The following PLEKHS1 variants were observed in gnomAD, a reference collection of about 807,000 sequenced individuals.
PLEKHS1 encodes pleckstrin homology domain-containing family S member 1.
A neutral mutation model predicts 51.0 loss-of-function variants in PLEKHS1; 55 were observed. That is an observed-to-expected ratio of 1.08 (90% CI 0.87 to 1.35). PLEKHS1 has a LOEUF of 1.35. PLEKHS1 is among the 40% of genes most tolerant of loss of function. The probability of loss-of-function intolerance (pLI) is 0.00; values close to 1 mark genes in which losing one functional copy is unlikely to be tolerated. For missense variants in PLEKHS1, 398 were observed against 423.0 expected, an observed-to-expected ratio of 0.94 and a Z score of 0.52; for synonymous variants, 153 against 144.8, an observed-to-expected ratio of 1.06 and a Z score of -0.41.
At chr10:113,777,431 T>A (rs772685732) in intron 11 of PLEKHS1, 172 bp downstream of exon 12, 1 of 1,608,120 alleles carries the variant, frequency 6.2e-7, no homozygotes, top group Admixed American at 1.7e-5. Context: ...GATTCTTTCA[T>A]ATCAAGTAGC....
chr10:113,761,526 C>CT (rs138150817), intron 2 of PLEKHS1, among the ~76,000 whole-genome samples: 27,938 of 151,598 alleles, frequency 0.18, 2,684 homozygotes, highest in East Asian at 0.29. Flanking sequence ...GTACTTTTTT[C>CT]TTTTGGATGC....
chr10:113,770,011 G>C, intron 7 of PLEKHS1, 111 bp downstream of exon 7: 1 of 789,936 alleles, frequency 1.3e-6, no homozygotes, highest in Non-Finnish European at 2.2e-6. Context: ...CTCAAAGCCC[G>C]ATGCACTATA....
chr10:113,759,685 T>C (rs539514839), intron 2 of PLEKHS1, among the ~76,000 whole-genome samples: 101 of 152,346 alleles, frequency 6.6e-4, no homozygotes, highest in African/African-American at 2.3e-3. Flanking sequence ...TTCATTCACC[T>C]GTTGAATATC....
At position 113,766,947 on chromosome 10, in the gene PLEKHS1, G is replaced by T. The variant is rs137865387; in HGVS notation, c.224+229G>T. ...TACTTGATAAGTCTTTAATTAACAG[G>T]CATTCAGTTAAGGAGTTTGATTCAC... On this transcript the variant is annotated intron_variant, in intron 4 of 11. Transcript: ENST00000361048. Among the ~76,000 whole-genome samples the T allele has an allele frequency of 4.3e-3, 652 of 152,250 alleles. 5 individuals are homozygous for T. The highest frequency in any genetic ancestry group is 0.015 in the African/African-American group (624 of 41,548).
chr10:113,765,332 A>G (rs1313057197), intron 2 of PLEKHS1: 3 of 779,202 alleles, frequency 3.9e-6, no homozygotes, highest in South Asian at 2.7e-5. Flanking sequence ...GAGGCAAGAC[A>G]TTCCTGAGTA....
chr10:113,757,791 C>A (rs964521984), intron 2 of PLEKHS1, among the ~76,000 whole-genome samples: 3 of 152,174 alleles, frequency 2.0e-5, no homozygotes, highest in African/African-American at 4.8e-5. Context: ...CCTCTCAAAC[C>A]CTGACACTGA....
intron 11 of PLEKHS1, chr10:113,778,129 T>A (rs1844753213): frequency 6.1e-6 from 1 of 162,852 alleles, no homozygotes; most frequent in South Asian, 1.7e-4. Flanking sequence ...CTTTTCTTTC[T>A]AACTAGCCCT....
chr10:113,755,446 C>A, intron 2 of PLEKHS1, 141 bp downstream of exon 2: 1 of 1,396,034 alleles, frequency 7.2e-7, no homozygotes, highest in Non-Finnish European at 9.3e-7. Context: ...CAGTCTTGCT[C>A]TGTTGCGTAG....
rs533035235 is a variant in PLEKHS1, at chr10:113,775,295, T to A, written c.989+260T>A. On this transcript the variant is annotated intron_variant, in intron 10 of 11. Coordinates refer to ENST00000361048, the Ensembl canonical transcript of PLEKHS1. ...ATTCCCCCTTGGCTACTCTTTCAGG[T>A]CCCAGGACTTGGGATCCACACCAAT... 2.1e-3 allele frequency among the ~76,000 whole-genome samples: 324 copies of A among 151,866 alleles called. 1 individual carries two copies. Among genetic ancestry groups the A allele is most frequent in the Middle Eastern group, 3.4e-3 (1 of 294 alleles).
In PLEKHS1 at chr10:113,780,531, G is replaced by A. The variant is rs1272523394; in HGVS notation, c.*-71G>A. 3 of 1,415,086 alleles carry A rather than the reference G, an allele frequency of 2.1e-6. No homozygotes were observed. The African/African-American group carries it at 4.2e-5, about 20-fold the overall frequency. 87.7% of individuals were successfully genotyped at this position (1,415,086 alleles called of 1,614,324 possible). A position where few individuals can be genotyped will look rare whatever the true frequency, so the allele number is the denominator to read the frequency against. On this transcript the variant is annotated intron_variant, in intron 11 of 11. Coordinates refer to ENST00000361048, the Ensembl canonical transcript of PLEKHS1. ...TACCAGCTCCCAAGGGTATGAATGA[G>A]GACAGATTGGGAAGCAACAATCTTA... is the stretch of plus-strand genomic sequence containing the variant.
At chr10:113,777,944 T>A in intron 11 of PLEKHS1, 2 of 420,302 alleles carry the variant, frequency 4.8e-6, no homozygotes, top group Non-Finnish European at 8.5e-6. Flanking sequence ...GTGCTATGAT[T>A]GCACCACTGC....
chr10:113,768,750 C>T lies in PLEKHS1; in HGVS notation c.360-65C>T, dbSNP rs551505073. The T allele has an allele frequency of 1.4e-3, 1,857 of 1,289,872 alleles. 8 individuals carry two copies. Among genetic ancestry groups the T allele is most frequent in the Non-Finnish European group, 1.7e-3 (1,582 of 905,000 alleles). The allele number at this position is 1,289,872 out of a possible 1,614,324, so 79.9% of individuals were successfully genotyped here. A position where few individuals can be genotyped will look rare whatever the true frequency, so the allele number is the denominator to read the frequency against. On this transcript the variant is annotated intron_variant, in intron 5 of 11. Coordinates refer to ENST00000361048, the Ensembl canonical transcript of PLEKHS1. ...ACCATTCTAACATTCATAAAAGAAT[C>T]CTTCTCTGGTTCAAAAGGCACTATT...
intron 7 of PLEKHS1, among the ~76,000 whole-genome samples, chr10:113,771,760 G>A (rs1844421464): frequency 6.6e-6 from 1 of 150,824 alleles, no homozygotes; most frequent in African/African-American, 2.4e-5. Flanking sequence ...GAGAAAAAAA[G>A]CCTGAGTGAT....
chr10:113,769,309 T>A (rs1471177542), intron 6 of PLEKHS1, among the ~76,000 whole-genome samples: 1 of 152,260 alleles, frequency 6.6e-6, no homozygotes, highest in African/African-American at 2.4e-5. Context: ...TTAGCAGTTT[T>A]AAGTTTTAAA....
At chr10:113,771,785 T>C (rs1844423945) in intron 7 of PLEKHS1, among the ~76,000 whole-genome samples, 185 bp from the exon 8 acceptor site, 3 of 152,144 alleles carry the variant, frequency 2.0e-5, no homozygotes, top group Admixed American at 2.0e-4. Context: ...TTATATGTTT[T>C]CATCCTCAGT....
At chr10:113,769,538 T>C (rs1844305357) in intron 6 of PLEKHS1, among the ~76,000 whole-genome samples, 1 of 152,058 alleles carries the variant, frequency 6.6e-6, no homozygotes, top group Non-Finnish European at 1.5e-5. Flanking sequence ...GAGACACAGT[T>C]GAGGAGACAA....
intron 1 of PLEKHS1, among the ~76,000 whole-genome samples, chr10:113,752,367 T>C (rs1486126370): frequency 1.3e-5 from 2 of 152,216 alleles, no homozygotes; most frequent in Non-Finnish European, 2.9e-5. Context: ...ATAAAATCTT[T>C]CATATACATA....
intron 10 of PLEKHS1, among the ~76,000 whole-genome samples, 186 bp from the exon 11 acceptor site, chr10:113,775,566 TCCCATAGCCTACC>T (rs1268282149): frequency 2.6e-5 from 4 of 152,308 alleles, no homozygotes; most frequent in Non-Finnish European, 2.9e-5. Flanking sequence ...TTCCCTCTGT[TCCCATAGCCTACC>T]ATCCGCTACC....
intron 2 of PLEKHS1, among the ~76,000 whole-genome samples, chr10:113,762,168 C>T (rs1371270220): frequency 6.6e-6 from 1 of 151,932 alleles, no homozygotes; most frequent in Non-Finnish European, 1.5e-5. Flanking sequence ...CCCCTCTCTC[C>T]TCCTAATATT....
Sources: gnomAD v4.1 joint callset for allele counts (sites outside exome capture counted in the v4.1 genomes callset) on GRCh38, gnomAD v4.1.1 for gene constraint, MANE v1.5 for transcripts, NCBI Gene and HGNC (gene_info 2026-07-23, HGNC 2026-07-21) for gene names.